The following RAB30 variants were observed in gnomAD, a reference collection of about 807,000 sequenced individuals.
The protein encoded by RAB30 is ras-related protein Rab-30.
In RAB30, 9 loss-of-function variants were observed where a neutral mutation model predicts 25.1. That is an observed-to-expected ratio of 0.36 (90% confidence interval 0.22 to 0.63). RAB30 has a LOEUF of 0.63. RAB30 is among the 20% of genes least tolerant of loss of function. The probability of loss-of-function intolerance (pLI) is 0.69; values close to 1 mark genes in which losing one functional copy is unlikely to be tolerated. For missense variants in RAB30, 140 were observed against 243.5 expected, an observed-to-expected ratio of 0.58 and a Z score of 2.83; for synonymous variants, 77 against 86.4, an observed-to-expected ratio of 0.89 and a Z score of 0.60.
intron 1 of RAB30, among the ~76,000 whole-genome samples, chr11:83,049,949 A>T (rs779466354): frequency 6.6e-6 from 1 of 152,130 alleles, no homozygotes; most frequent in Admixed American, 6.6e-5. Flanking sequence ...TGGGGCCCAC[A>T]GTACCCTATA....
intron 2 of RAB30, among the ~76,000 whole-genome samples, chr11:82,996,920 T>C (rs1378023997): frequency 3.3e-5 from 5 of 152,140 alleles, no homozygotes; most frequent in African/African-American, 9.7e-5. Flanking sequence ...CTTCCTTTTA[T>C]CCAATAATTT....
At chr11:83,068,311 C>A (rs1361932881) in intron 1 of RAB30, among the ~76,000 whole-genome samples, 12 of 149,748 alleles carry the variant, frequency 8.0e-5, no homozygotes, top group South Asian at 2.1e-4. Context: ...AAAAAAAAAA[C>A]AAAAAACTTA....
intron 1 of RAB30, among the ~76,000 whole-genome samples, chr11:83,054,900 G>A (rs1297815659): frequency 1.3e-5 from 2 of 152,208 alleles, no homozygotes; most frequent in East Asian, 3.9e-4. Context: ...AGAAAGCTGA[G>A]CCTCAGAAAT....
At chr11:83,046,059 A>C (rs559735441) in intron 1 of RAB30, among the ~76,000 whole-genome samples, 3 of 152,304 alleles carry the variant, frequency 2.0e-5, no homozygotes, top group Admixed American at 2.0e-4. Context: ...CTGCCAAATA[A>C]ATCACCTTTC....
At chr11:82,987,947 A>T (rs1391862071) in intron 3 of RAB30, among the ~76,000 whole-genome samples, 177 bp from the exon 4 acceptor site, 18 of 28,232 alleles carry the variant, frequency 6.4e-4, no homozygotes, top group Admixed American at 2.0e-3. Flanking sequence ...CTGAAAATTA[A>T]AAAAAAAAAA....
At chr11:83,004,960 C>T (rs1318688428) in intron 1 of RAB30, among the ~76,000 whole-genome samples, 1 of 152,144 alleles carries the variant, frequency 6.6e-6, no homozygotes, top group African/African-American at 2.4e-5. Context: ...CTGCTACAAG[C>T]TCACTTGCTT....
chr11:83,039,538 C>T (rs1245249049), intron 1 of RAB30, among the ~76,000 whole-genome samples: 2 of 152,040 alleles, frequency 1.3e-5, no homozygotes, highest in African/African-American at 4.8e-5. Context: ...AATTAGTCGG[C>T]TGTGGTGGCG....
chr11:83,052,595 A>G (rs1858379566), intron 1 of RAB30, among the ~76,000 whole-genome samples: 1 of 152,224 alleles, frequency 6.6e-6, no homozygotes, highest in Non-Finnish European at 1.5e-5. Context: ...CTGGGAAAAC[A>G]TTCCCTGACA....
chr11:83,011,258 C>T (rs948183), intron 1 of RAB30, among the ~76,000 whole-genome samples: 87,224 of 152,094 alleles, frequency 0.57, 25,599 homozygotes, highest in African/African-American at 0.72. Context: ...TTCTTTTTCC[C>T]ATGTACTGGC....
intron 1 of RAB30, among the ~76,000 whole-genome samples, chr11:83,043,779 G>A (rs1858179866): frequency 6.6e-6 from 1 of 151,996 alleles, no homozygotes; most frequent in Non-Finnish European, 1.5e-5. Flanking sequence ...TAAAAAATTA[G>A]ATAGAAAAAA....
intron 1 of RAB30, among the ~76,000 whole-genome samples, chr11:83,007,078 C>T (rs184699435): frequency 7.2e-5 from 11 of 152,222 alleles, no homozygotes; most frequent in African/African-American, 7.2e-5. Flanking sequence ...CCCCATTTTA[C>T]AGAAATGAGA....
chr11:83,005,796 T>C (rs1857171987), intron 1 of RAB30, among the ~76,000 whole-genome samples: 1 of 152,050 alleles, frequency 6.6e-6, no homozygotes, highest in African/African-American at 2.4e-5. Context: ...AATGAAGAAC[T>C]GACTGCAATA....
intron 1 of RAB30, among the ~76,000 whole-genome samples, chr11:83,009,821 T>C (rs1857266715): frequency 6.6e-6 from 1 of 152,138 alleles, no homozygotes; most frequent in South Asian, 2.1e-4. Flanking sequence ...TCAATACTCA[T>C]CAAAAGCCTT....
chr11:83,028,172 T>C (rs1441927141), intron 1 of RAB30, among the ~76,000 whole-genome samples: 3 of 152,180 alleles, frequency 2.0e-5, no homozygotes, highest in Non-Finnish European at 2.9e-5. Context: ...TAGGATGCTA[T>C]ATAAAGGAAA....
At chr11:82,999,158 C>T (rs1857021405) in intron 1 of RAB30, among the ~76,000 whole-genome samples, 1 of 152,080 alleles carries the variant, frequency 6.6e-6, no homozygotes, top group Non-Finnish European at 1.5e-5. Flanking sequence ...TATACTTGGC[C>T]CTTTATGTGT....
At chr11:83,064,909 C>G (rs780589934) in intron 1 of RAB30, among the ~76,000 whole-genome samples, 1 of 151,978 alleles carries the variant, frequency 6.6e-6, no homozygotes, top group Admixed American at 6.6e-5. Context: ...GTCCAGGATC[C>G]AATCTAGGAT....
rs140612850 is a variant in RAB30 at position 83,022,115 on chromosome 11, A to G, written c.-8-24791T>C. On this transcript the variant is annotated intron_variant, in intron 1 of 4. Transcript: ENST00000527633. ...TAAATGCTGGTACCAGTTGAACTGCATTAAACTCATCCAAAGAGCTTCTTC... is the reference window on the plus strand; with the variant it reads ...TAAATGCTGGTACCAGTTGAACTGCGTTAAACTCATCCAAAGAGCTTCTTC... Among the ~76,000 whole-genome samples the G allele has an allele frequency of 1.6e-3, 244 of 149,914 alleles. No individual in the cohort carries two copies. The Middle Eastern group carries it at 0.017, about 11-fold the overall frequency.
intron 2 of RAB30, among the ~76,000 whole-genome samples, chr11:82,996,007 A>C (rs1288916374): frequency 1.3e-5 from 2 of 152,220 alleles, no homozygotes; most frequent in Non-Finnish European, 2.9e-5. Flanking sequence ...AAAGCAGAAA[A>C]TATGACTAAT....
intron 1 of RAB30, among the ~76,000 whole-genome samples, chr11:83,003,037 G>A (rs1297713408): frequency 1.3e-5 from 2 of 152,174 alleles, no homozygotes; most frequent in East Asian, 3.9e-4. Flanking sequence ...TGGAGGGGCT[G>A]GGTAAACAGG....
Sources: allele counts gnomAD v4.1 joint callset (sites outside exome capture counted in the v4.1 genomes callset), GRCh38; gene constraint gnomAD v4.1.1; transcripts MANE v1.5; gene names NCBI Gene and HGNC (gene_info 2026-07-23, HGNC 2026-07-21).